The following DTNA variants were observed in gnomAD, a reference collection of about 807,000 sequenced individuals.
DTNA encodes dystrophin-related protein 3.
DTNA carries 43 observed loss-of-function variants against 100.7 expected under a neutral mutation model. The observed-to-expected ratio is 0.43, with a 90% CI of 0.33 to 0.55. The LOEUF is 0.55. Among genes scored for constraint, DTNA ranks in the 20% least tolerant of loss-of-function variants. DTNA has a pLI of 0.04. For synonymous variants in DTNA, 349 were observed against 347.9 expected (o/e 1.00, Z -0.04); for missense variants, 798 against 953.9 (o/e 0.84, Z 2.15).
chr18:34,550,918 A>G (rs1230252427), intron 1 of DTNA, among the ~76,000 whole-genome samples: 1 of 152,162 alleles, frequency 6.6e-6, no homozygotes, highest in African/African-American at 2.4e-5. Context: ...ATAACTATTC[A>G]GTTAATTGTA....
intron 1 of DTNA, among the ~76,000 whole-genome samples, chr18:34,628,748 ACT>A (rs900489312): frequency 6.6e-6 from 1 of 151,876 alleles, no homozygotes; most frequent in African/African-American, 2.4e-5. Flanking sequence ...TTTCTTACAA[ACT>A]CTGTACATTC....
At position 34,889,122 on chromosome 18, in the gene DTNA, AG is replaced by A. The variant is rs1368027668; in HGVS notation, c.*1389del. On this transcript the variant is annotated 3_prime_UTR_variant, in exon 23 of 23. Coordinates refer to ENST00000444659, the MANE Select transcript of DTNA (RefSeq NM_001386795.1). ...AAAAAGTAATCTTCTACTTGCTTCAAGATTTGATTTTTTTAAAAAAGCCTGC... is the reference window on the plus strand; with the variant it reads ...AAAAAGTAATCTTCTACTTGCTTCAAATTTGATTTTTTTAAAAAAGCCTGC... 2.1e-6 allele frequency: 2 copies of A among 971,964 alleles called. No individual in the cohort carries two copies. Among genetic ancestry groups the A allele is most frequent in the Non-Finnish European group, 2.4e-6 (2 of 828,050 alleles). 60.2% of individuals were successfully genotyped at this position (971,964 alleles called of 1,614,324 possible). A position where few individuals can be genotyped will look rare whatever the true frequency, so the allele number is the denominator to read the frequency against.
intron 1 of DTNA, among the ~76,000 whole-genome samples, chr18:34,632,705 C>T (rs935153437): frequency 6.6e-6 from 1 of 152,146 alleles, no homozygotes; most frequent in Admixed American, 6.6e-5. Context: ...GCATTTGCTA[C>T]AAACTTTTAT....
intron 16 of DTNA, among the ~76,000 whole-genome samples, chr18:34,863,522 T>TC (rs5823956): frequency 0.44 from 66,712 of 152,000 alleles, 16,835 homozygotes; most frequent in African/African-American, 0.7. Context: ...CTTTTCTAAA[T>TC]ATATTTCCAA....
chr18:34,649,286 G>A (rs16965733), intron 1 of DTNA, among the ~76,000 whole-genome samples: 11,373 of 152,152 alleles, frequency 0.075, 1,296 homozygotes, highest in African/African-American at 0.25. Flanking sequence ...TTAAGATGAC[G>A]TGCACAAAAG....
intron 1 of DTNA, among the ~76,000 whole-genome samples, chr18:34,657,706 C>T (rs72951301): frequency 2.0e-5 from 3 of 152,092 alleles, no homozygotes; most frequent in Non-Finnish European, 4.4e-5. Context: ...GAGCCATTCT[C>T]CAATAGAAGT....
At chr18:34,533,134 GCTGAGGCGGGTGGATCAC>G (rs1408221816) in intron 1 of DTNA, among the ~76,000 whole-genome samples, 2 of 151,968 alleles carry the variant, frequency 1.3e-5, no homozygotes, top group Non-Finnish European at 2.9e-5. Context: ...ACTTTGGGAG[GCTGAGGCGGGTGGATCAC>G]CTGAGGTCAG....
At chr18:34,760,562 A>C (rs745336150) in intron 2 of DTNA, among the ~76,000 whole-genome samples, 1 of 152,180 alleles carries the variant, frequency 6.6e-6, no homozygotes, top group Non-Finnish European at 1.5e-5. Context: ...CTAATGAAGC[A>C]GTCTGAGGAG....
intron 1 of DTNA, among the ~76,000 whole-genome samples, chr18:34,594,533 A>G (rs945983826): frequency 1.3e-5 from 2 of 152,212 alleles, no homozygotes; most frequent in Non-Finnish European, 2.9e-5. Flanking sequence ...GTTAAATGTA[A>G]CTGGCCAGTT....
intron 1 of DTNA, among the ~76,000 whole-genome samples, chr18:34,685,476 C>G (rs1283641284): frequency 6.6e-6 from 1 of 152,130 alleles, no homozygotes; most frequent in Admixed American, 6.6e-5. Context: ...TCTGAGGGCT[C>G]TGTTCTGTTC....
chr18:34,612,103 G>T (rs529769056), intron 1 of DTNA, among the ~76,000 whole-genome samples: 2 of 152,304 alleles, frequency 1.3e-5, no homozygotes, highest in Non-Finnish European at 2.9e-5. Flanking sequence ...CTCACCGGCT[G>T]GCAAGGACAT....
rs2096206415 is a variant in DTNA at position 34,838,709 on chromosome 18, TAAC to T, written c.1254-31_1254-29del. The T allele has an allele frequency of 2.5e-6, 4 of 1,581,530 alleles. No homozygotes were observed. In the East Asian group the frequency reaches 6.7e-5, roughly 27 times the overall value. ...TCTACTTATTTCTGTCCACCTCTCTTAACAACACGCTTTCTTTCCCCCTGCCCT... is the reference window on the plus strand; with the variant it reads ...TCTACTTATTTCTGTCCACCTCTCTTAACACGCTTTCTTTCCCCCTGCCCT... On this transcript the variant is annotated intron_variant, in intron 12 of 22. Transcript: ENST00000444659.
chr18:34,844,153 T>C (rs1438985085), intron 13 of DTNA, among the ~76,000 whole-genome samples: 1 of 152,118 alleles, frequency 6.6e-6, no homozygotes, highest in Admixed American at 6.6e-5. Flanking sequence ...TTTTAGAAGA[T>C]AGAATGCATG....
At chr18:34,522,511 C>T (rs1339207240) in intron 1 of DTNA, among the ~76,000 whole-genome samples, 1 of 152,176 alleles carries the variant, frequency 6.6e-6, no homozygotes, top group Non-Finnish European at 1.5e-5. Context: ...ATAAATGGAT[C>T]ATTTTCCTCC....
At chr18:34,769,162 A>G (rs1486094350) in intron 3 of DTNA, among the ~76,000 whole-genome samples, 1 of 152,246 alleles carries the variant, frequency 6.6e-6, no homozygotes, top group Non-Finnish European at 1.5e-5. Flanking sequence ...TTCTACCTTC[A>G]TCAGAGGCAT....
chr18:34,514,719 A>G (rs1332566279), intron 1 of DTNA, among the ~76,000 whole-genome samples: 2 of 152,116 alleles, frequency 1.3e-5, no homozygotes, highest in African/African-American at 4.8e-5. Context: ...ACTGGCTCAT[A>G]TATGGCAACC....
At chr18:34,875,511 C>G in intron 18 of DTNA, 113 bp downstream of exon 18, 2 of 1,488,060 alleles carry the variant, frequency 1.3e-6, no homozygotes, top group Non-Finnish European at 1.9e-6. Context: ...TAGGGTCTTT[C>G]ATGGCTGGTG....
chr18:34,686,067 A>G (rs1162135316), intron 1 of DTNA, among the ~76,000 whole-genome samples: 1 of 152,184 alleles, frequency 6.6e-6, no homozygotes, highest in Non-Finnish European at 1.5e-5. Context: ...CTAAATATAC[A>G]ATCATGTCAT....
In DTNA at chr18:34,797,811, A is replaced by G. The variant is rs1324975514; in HGVS notation, c.362+3561A>G. Among the ~76,000 whole-genome samples the G allele has an allele frequency of 2.0e-5, 3 of 152,060 alleles. No homozygotes were observed. The South Asian group carries it at 6.2e-4, about 32-fold the overall frequency. ...TTTCCACAGGTCCACCTCTCCTTGCACCTGATTCTGCTATTGTCTTATAGT... is the reference window on the plus strand; with the variant it reads ...TTTCCACAGGTCCACCTCTCCTTGCGCCTGATTCTGCTATTGTCTTATAGT... On this transcript the variant is annotated intron_variant, in intron 4 of 22. Transcript: ENST00000444659.
Sources: gnomAD v4.1 joint callset for allele counts (sites outside exome capture counted in the v4.1 genomes callset) on GRCh38, gnomAD v4.1.1 for gene constraint, MANE v1.5 for transcripts, NCBI Gene and HGNC (gene_info 2026-07-23, HGNC 2026-07-21) for gene names.